PLCE1: variants seen among roughly 807,000 people sequenced by gnomAD.
PLCE1 encodes 1-phosphatidylinositol 4,5-bisphosphate phosphodiesterase epsilon-1.
In PLCE1, 119 loss-of-function variants were observed where a neutral mutation model predicts 242.8. That is an observed-to-expected ratio of 0.49 (90% CI 0.42 to 0.57). The LOEUF (loss-of-function observed/expected upper bound fraction) is 0.57, where lower values mean the gene tolerates loss of function less well. Among genes scored for constraint, PLCE1 ranks in the 20% least tolerant of loss-of-function variants. The pLI, the probability that PLCE1 is intolerant of heterozygous loss-of-function variation, is 0.00. For synonymous variants in PLCE1, 945 were observed against 1,017.4 expected, an observed-to-expected ratio of 0.93 and a Z score of 1.35; for missense variants, 2,441 against 2,788.8, an observed-to-expected ratio of 0.88 and a Z score of 2.81.
intron 4 of PLCE1, among the ~76,000 whole-genome samples, chr10:94,216,618 T>C (rs2049538429): frequency 6.6e-6 from 1 of 152,090 alleles, no homozygotes; most frequent in Non-Finnish European, 1.5e-5. Flanking sequence ...GTGAGTGAGC[T>C]TCAGGGATGG....
intron 2 of PLCE1, among the ~76,000 whole-genome samples, chr10:94,064,688 A>G (rs748990658): frequency 9.2e-5 from 14 of 152,172 alleles, no homozygotes; most frequent in Non-Finnish European, 2.1e-4. Context: ...AATCTTTACC[A>G]TGTGGATTTG....
chr10:94,100,862 G>T (rs544778877), intron 2 of PLCE1, among the ~76,000 whole-genome samples: 2 of 152,270 alleles, frequency 1.3e-5, no homozygotes, highest in Admixed American at 1.3e-4. Context: ...GTTTCTGCAG[G>T]GGCCACAGGG....
chr10:94,286,065 G>T (rs992819167), intron 22 of PLCE1, among the ~76,000 whole-genome samples: 38 of 152,098 alleles, frequency 2.5e-4, no homozygotes, highest in Admixed American at 2.6e-4. Context: ...AAACAAGAAA[G>T]TCCCTAAGTA....
At chr10:94,201,384 A>G (rs1215393613) in intron 4 of PLCE1, among the ~76,000 whole-genome samples, 1 of 152,216 alleles carries the variant, frequency 6.6e-6, no homozygotes, top group Non-Finnish European at 1.5e-5. Context: ...TGAACTATAA[A>G]GTGCTATACC....
At chr10:94,276,960 G>T (rs1481846506) in intron 19 of PLCE1, among the ~76,000 whole-genome samples, 1 of 152,112 alleles carries the variant, frequency 6.6e-6, no homozygotes, top group African/African-American at 2.4e-5. Context: ...CTGTTTTCTG[G>T]TAGATCATGG....
intron 2 of PLCE1, among the ~76,000 whole-genome samples, chr10:94,081,626 T>C (rs1311562196): frequency 6.6e-6 from 1 of 152,238 alleles, no homozygotes. Context: ...TCTAGTATGA[T>C]ATTAAATAGA....
At chr10:94,086,650 T>C (rs555969904) in intron 2 of PLCE1, among the ~76,000 whole-genome samples, 1 of 152,186 alleles carries the variant, frequency 6.6e-6, no homozygotes, top group Admixed American at 6.5e-5. Context: ...GTTCAAAATG[T>C]GTATTTATTA....
At chr10:94,296,949 C>T (rs1192990675) in intron 23 of PLCE1, among the ~76,000 whole-genome samples, 2 of 152,038 alleles carry the variant, frequency 1.3e-5, no homozygotes, top group African/African-American at 2.4e-5. Context: ...TCTCAGCTCA[C>T]TGCAACCTCC....
At position 94,153,255 on chromosome 10, in the gene PLCE1, G is replaced by T. The variant is rs2047327887; in HGVS notation, c.1493-17925G>T. 3.9e-5 allele frequency among the ~76,000 whole-genome samples: 6 copies of T among 152,186 alleles called. 1 individual carries two copies. Among genetic ancestry groups the T allele is most frequent in the Admixed American group, 3.9e-4 (6 of 15,288 alleles). On this transcript the variant is annotated intron_variant, in intron 3 of 32. Coordinates refer to ENST00000371380, the MANE Select transcript of PLCE1 (RefSeq NM_016341.4). ...GTAATATATTCATATAAAAATGAAT[G>T]TAGAGTTAAACATGAAAATCAATCA...
chr10:94,144,462 A>G (rs980183992), intron 3 of PLCE1, among the ~76,000 whole-genome samples: 2 of 152,194 alleles, frequency 1.3e-5, no homozygotes, highest in African/African-American at 4.8e-5. Flanking sequence ...GTCTGTGGAA[A>G]TGATATCCTT....
chr10:94,331,734 A>C lies in PLCE1; in HGVS notation c.*3791A>C, dbSNP rs2054157766. 1.3e-5 allele frequency: 2 copies of C among 152,140 alleles called. No individual in the cohort carries two copies. The highest frequency in any genetic ancestry group is 1.3e-4 in the Admixed American group (2 of 15,274). The allele number at this position is 152,140 out of a possible 1,614,324, so 9.4% of individuals were successfully genotyped here. On this transcript the variant is annotated 3_prime_UTR_variant, in exon 33 of 33. Transcript: ENST00000371380. ...CCCCATGATCCATTGTTAATAATTT[A>C]TGTGTTCTCTGCCATCCTTATGTAG...
intron 3 of PLCE1, among the ~76,000 whole-genome samples, chr10:94,161,778 TA>T (rs1464246028): frequency 1.3e-5 from 2 of 152,186 alleles, no homozygotes; most frequent in Non-Finnish European, 2.9e-5. Flanking sequence ...TTCAGTATGA[TA>T]TTGGCTGTGG....
chr10:94,321,822 C>A, intron 29 of PLCE1, 79 bp from the exon 30 acceptor site: 1 of 1,048,014 alleles, frequency 9.5e-7, no homozygotes, highest in Non-Finnish European at 1.5e-6. Context: ...AAGATACAAG[C>A]TCAGATTTTT....
Position 94,146,916 on chromosome 10 carries a change from G to A in PLCE1, c.1492+14457G>A, listed in dbSNP as rs148846964. ...TTTGTTACAAAAGATTCAGGAACTG[G>A]GCTGGAAAGGTTCCAGGTAGCATTC... On this transcript the variant is annotated intron_variant, in intron 3 of 32. Coordinates refer to ENST00000371380, the MANE Select transcript of PLCE1 (RefSeq NM_016341.4). Among the ~76,000 whole-genome samples, 7 of 152,268 alleles carry A rather than the reference G, an allele frequency of 4.6e-5. No homozygotes were observed. The East Asian group carries it at 1.3e-3, about 29-fold the overall frequency.
At chr10:94,297,590 TAAAAAAAAAAAAAAAAAAA>T (rs71031568) in intron 23 of PLCE1, among the ~76,000 whole-genome samples, 41 of 56,582 alleles carry the variant, frequency 7.2e-4, no homozygotes, top group East Asian at 6.7e-3. Context: ...TTTAAATTTG[TAAAAAAAAAAAAAAAAAAA>T]AAAAAAAAAA....
intron 2 of PLCE1, among the ~76,000 whole-genome samples, chr10:94,098,558 A>T (rs1360486869): frequency 6.6e-6 from 1 of 152,224 alleles, no homozygotes; most frequent in African/African-American, 2.4e-5. Context: ...TGTCTTTAAA[A>T]TGGCTTTTAA....
intron 1 of PLCE1, among the ~76,000 whole-genome samples, chr10:93,999,548 G>A (rs149169503): frequency 0.024 from 3,605 of 152,336 alleles, 55 homozygotes; most frequent in Middle Eastern, 0.075. Context: ...AAAGAGGGCA[G>A]TGTAGTTGGT....
chr10:94,329,872 T>C lies in PLCE1; in HGVS notation c.*1929T>C, dbSNP rs1307490266. On this transcript the variant is annotated 3_prime_UTR_variant, in exon 33 of 33. Coordinates refer to ENST00000371380, the MANE Select transcript of PLCE1 (RefSeq NM_016341.4). ...TGGGTCAAAGCCTTAAGGCTAGAAC[T>C]ACCATTTTCTTGTCAACAGAATTCA... 1.4e-5 allele frequency: 2 copies of C among 141,214 alleles called. No individual in the cohort carries two copies. The highest frequency in any genetic ancestry group is 3.0e-5 in the Non-Finnish European group (2 of 66,096). The allele number at this position is 141,214 out of a possible 1,614,324, so 8.7% of individuals were successfully genotyped here. A position where few individuals can be genotyped will look rare whatever the true frequency, so the allele number is the denominator to read the frequency against.
intron 25 of PLCE1, among the ~76,000 whole-genome samples, chr10:94,305,127 C>T (rs1415568279): frequency 6.6e-6 from 1 of 152,144 alleles, no homozygotes; most frequent in East Asian, 1.9e-4. Context: ...ACTCCACAGA[C>T]TCCTCTTAAA....
Sources: gnomAD v4.1 joint callset for allele counts (sites outside exome capture counted in the v4.1 genomes callset) on GRCh38, gnomAD v4.1.1 for gene constraint, MANE v1.5 for transcripts, NCBI Gene and HGNC (gene_info 2026-07-23, HGNC 2026-07-21) for gene names.